CHD2: variants seen among roughly 807,000 people sequenced by gnomAD.
CHD2 encodes the protein chromodomain helicase DNA binding protein 2.
In CHD2, 28 loss-of-function variants were observed where a neutral mutation model predicts 243.9. That is an observed-to-expected ratio of 0.11 (90% CI 0.09 to 0.16). The LOEUF is 0.16. Ranked by LOEUF, CHD2 falls within the 10% of genes least tolerant of loss-of-function variation. CHD2 has a pLI of 1.00. For missense variants in CHD2, 1,386 were observed against 2,209.8 expected, an observed-to-expected ratio of 0.63 and a Z score of 7.47; for synonymous variants, 775 against 779.0, an observed-to-expected ratio of 0.99 and a Z score of 0.09.
intron 2 of CHD2, among the ~76,000 whole-genome samples, chr15:92,922,099 G>A (rs1349261053): frequency 6.6e-6 from 1 of 152,132 alleles, no homozygotes; most frequent in African/African-American, 2.4e-5. Flanking sequence ...TGTGTAACAG[G>A]GATAAGAGTT....
intron 26 of CHD2, among the ~76,000 whole-genome samples, chr15:92,991,041 TA>T (rs1282813000): frequency 5.3e-5 from 8 of 152,232 alleles, no homozygotes; most frequent in African/African-American, 1.9e-4. Context: ...ATTGGTTTTC[TA>T]ATAACGAAAA....
chr15:92,957,091 T>G (rs554976590), intron 16 of CHD2, among the ~76,000 whole-genome samples: 1 of 152,364 alleles, frequency 6.6e-6, no homozygotes, highest in South Asian at 2.1e-4. Context: ...AAAAGATTTT[T>G]ATGGGAGAGA....
At chr15:92,936,532 G>A (rs779555345) in intron 5 of CHD2, among the ~76,000 whole-genome samples, 2 of 152,188 alleles carry the variant, frequency 1.3e-5, no homozygotes, top group African/African-American at 4.8e-5. Context: ...ATAGTAGGAC[G>A]CCTGTAGGTT....
chr15:92,930,413 C>T (rs1156975826), intron 5 of CHD2, among the ~76,000 whole-genome samples: 2 of 151,972 alleles, frequency 1.3e-5, no homozygotes, highest in East Asian at 3.9e-4. Flanking sequence ...TGGTTACTGG[C>T]TCATAGTCTT....
intron 26 of CHD2, among the ~76,000 whole-genome samples, chr15:92,989,255 C>T (rs563204571): frequency 2.6e-5 from 4 of 152,198 alleles, no homozygotes; most frequent in South Asian, 2.1e-4. Flanking sequence ...TGGTCTCGAA[C>T]GCCTGACCTC....
chr15:92,963,630 C>G (rs2053718486), intron 16 of CHD2, among the ~76,000 whole-genome samples: 1 of 152,142 alleles, frequency 6.6e-6, no homozygotes, highest in Non-Finnish European at 1.5e-5. Context: ...TTGGGTATTG[C>G]TTTCTTTTAG....
chr15:93,009,445 A>G (rs903622864), intron 35 of CHD2, 122 bp downstream of exon 35: 6 of 916,144 alleles, frequency 6.5e-6, no homozygotes, highest in African/African-American at 5.0e-5. Context: ...CAACTCATCT[A>G]TTGGCAATAT....
At chr15:92,949,263 A>G in intron 13 of CHD2, 187 bp downstream of exon 13, 2 of 1,387,462 alleles carry the variant, frequency 1.4e-6, no homozygotes, top group Non-Finnish European at 1.9e-6. Context: ...ATGTATGTGT[A>G]ATACCATTTT....
intron 9 of CHD2, chr15:92,943,876 C>G (rs773287850): frequency 2.0e-5 from 3 of 152,142 alleles, no homozygotes; most frequent in Admixed American, 6.5e-5. Context: ...TTCTTTGACT[C>G]AAAACTGAAA....
intron 26 of CHD2, among the ~76,000 whole-genome samples, chr15:92,988,825 C>A (rs2054078492): frequency 1.3e-5 from 2 of 151,772 alleles, no homozygotes; most frequent in Middle Eastern, 3.4e-3. Context: ...TAAAAAATGT[C>A]CGTTTTTAAA....
Position 93,020,264 on chromosome 15 carries a change from C to G in CHD2, c.5153+6C>G. On this transcript the variant is annotated splice_donor_region_variant and intron_variant, in intron 38 of 38. Transcript: ENST00000394196. ...CACAGAGATTATTATGACAGGTATG[C>G]AAAAGGCTGTGAGACACCAGGTGCC... is the stretch of plus-strand genomic sequence containing the variant. 6.2e-7 allele frequency: 1 copy of G among 1,614,118 alleles called. No homozygotes were observed. Among genetic ancestry groups the G allele is most frequent in the Non-Finnish European group, 8.5e-7 (1 of 1,180,030 alleles).
At chr15:92,915,341 C>G (rs2052814271) in intron 2 of CHD2, among the ~76,000 whole-genome samples, 1 of 151,982 alleles carries the variant, frequency 6.6e-6, no homozygotes, top group South Asian at 2.1e-4. Flanking sequence ...GTGGTGCGAT[C>G]TCAGCTCACT....
At chr15:92,923,924 A>C (rs1432780639) in intron 2 of CHD2, among the ~76,000 whole-genome samples, 1 of 152,064 alleles carries the variant, frequency 6.6e-6, no homozygotes, top group African/African-American at 2.4e-5. Context: ...AATGATACTT[A>C]ACAGATAAGA....
Position 92,955,408 on chromosome 15 carries a change from G to A in CHD2, c.1720-15G>A, listed in dbSNP as rs2053606424. On this transcript the variant is annotated splice_polypyrimidine_tract_variant and intron_variant, in intron 14 of 38. Transcript: ENST00000394196. The stretch of plus-strand genomic sequence containing the variant: ...GAAGTAGAAATTATGTCTTAATTAT[G>A]TTTTTTTCTTATAGATACGGGAATA... 1.3e-6 allele frequency: 2 copies of A among 1,510,368 alleles called. No individual in the cohort carries two copies. Among genetic ancestry groups the A allele is most frequent in the South Asian group, 1.3e-5 (1 of 78,746 alleles). The allele number at this position is 1,510,368 out of a possible 1,614,324, so 93.6% of individuals were successfully genotyped here.
chr15:92,906,878 C>CTGCACTTCAGCTT (rs1333722948), intron 2 of CHD2, among the ~76,000 whole-genome samples: 2 of 152,128 alleles, frequency 1.3e-5, no homozygotes, highest in African/African-American at 4.8e-5. Flanking sequence ...TAACTCCCTC[C>CTGCACTTCAGCTT]TGCACTTCAG....
rs147115056 is a variant in CHD2, at chr15:93,009,273, C to T, written c.4542C>T (p.Ala1514=). 106 of 1,614,036 alleles carry T rather than the reference C, an allele frequency of 6.6e-5. No individual in the cohort carries two copies. Among genetic ancestry groups the T allele is most frequent in the East Asian group, 2.0e-4 (9 of 44,892 alleles). The change falls in exon 35 of 39, where the codon GCC becomes GCT. Residue 1514 remains alanine, a synonymous_variant. Transcript: ENST00000394196. ...NCLLKIGDRI[A]ECLKAYSDQE... is the part of the protein sequence containing the mutation. ...TGCTGAAAATCGGAGACCGGATAGC[C>T]GAGTGCCTTAAAGCCTACTCAGATC... is the stretch of plus-strand genomic sequence containing the variant.
At chr15:92,909,364 C>G (rs1196761215) in intron 2 of CHD2, among the ~76,000 whole-genome samples, 2 of 152,092 alleles carry the variant, frequency 1.3e-5, no homozygotes, top group Non-Finnish European at 2.9e-5. Flanking sequence ...TTGTGACCGA[C>G]ATTGAAAAAA....
At chr15:92,951,303 T>C (rs1157432905) in intron 13 of CHD2, among the ~76,000 whole-genome samples, 1 of 152,120 alleles carries the variant, frequency 6.6e-6, no homozygotes, top group African/African-American at 2.4e-5. Flanking sequence ...CTTGAGTAGC[T>C]GGGATTACAC....
At chr15:92,957,590 C>G (rs1173611399) in intron 16 of CHD2, among the ~76,000 whole-genome samples, 1 of 151,720 alleles carries the variant, frequency 6.6e-6, no homozygotes, top group African/African-American at 2.4e-5. Flanking sequence ...TAGAATAGCA[C>G]CTGGTGCACA....
Sources: allele counts gnomAD v4.1 joint callset (sites outside exome capture counted in the v4.1 genomes callset), GRCh38; gene constraint gnomAD v4.1.1; transcripts MANE v1.5; gene names NCBI Gene and HGNC (gene_info 2026-07-23, HGNC 2026-07-21).